ADAMTS19: variants seen among roughly 807,000 people sequenced by gnomAD.
ADAMTS19 encodes the protein A disintegrin and metalloproteinase with thrombospondin motifs 19.
ADAMTS19 carries 93 observed loss-of-function variants against 153.3 expected under a neutral mutation model. That is an observed-to-expected ratio of 0.61 (90% CI 0.51 to 0.72). The LOEUF is 0.72. Among genes scored for constraint, ADAMTS19 ranks in the 30% least tolerant of loss-of-function variants. The probability of loss-of-function intolerance (pLI) is 0.00; values close to 1 mark genes in which losing one functional copy is unlikely to be tolerated. For synonymous variants in ADAMTS19, 600 were observed against 556.6 expected (o/e 1.08, Z -1.10); for missense variants, 1,482 against 1,552.1 (o/e 0.95, Z 0.76).
intron 8 of ADAMTS19, among the ~76,000 whole-genome samples, chr5:129,611,205 T>G (rs1260866041): frequency 6.6e-6 from 1 of 152,086 alleles, no homozygotes; most frequent in African/African-American, 2.4e-5. Context: ...GTCAGATGAG[T>G]AGATTGCAAA....
chr5:129,591,953 G>T (rs1293644769), intron 7 of ADAMTS19, among the ~76,000 whole-genome samples: 3 of 152,074 alleles, frequency 2.0e-5, no homozygotes, highest in Non-Finnish European at 4.4e-5. Context: ...TATGAGGTGT[G>T]TCACATAACA....
At chr5:129,511,383 G>T (rs1011594182) in intron 3 of ADAMTS19, among the ~76,000 whole-genome samples, 8 of 151,730 alleles carry the variant, frequency 5.3e-5, no homozygotes, top group Non-Finnish European at 1.0e-4. Flanking sequence ...TAGAGTCAGA[G>T]GCCTCAGGTT....
chr5:129,608,932 G>A (rs1436050042), intron 8 of ADAMTS19, among the ~76,000 whole-genome samples: 1 of 151,746 alleles, frequency 6.6e-6, no homozygotes, highest in Non-Finnish European at 1.5e-5. Flanking sequence ...CTTTTAGAAT[G>A]GGAAATAGAT....
chr5:129,671,403 C>T (rs1407535408), intron 16 of ADAMTS19, among the ~76,000 whole-genome samples: 1 of 152,142 alleles, frequency 6.6e-6, no homozygotes, highest in Non-Finnish European at 1.5e-5. Flanking sequence ...AGAAATGACA[C>T]TGTGTTGAAA....
intron 21 of ADAMTS19, among the ~76,000 whole-genome samples, chr5:129,726,595 T>C (rs897251565): frequency 2.0e-5 from 3 of 152,058 alleles, no homozygotes; most frequent in African/African-American, 7.2e-5. Flanking sequence ...TACTTAAGGG[T>C]CCACTCTACT....
At chr5:129,630,992 G>A (rs531474344) in intron 10 of ADAMTS19, among the ~76,000 whole-genome samples, 99 of 151,908 alleles carry the variant, frequency 6.5e-4, no homozygotes, top group African/African-American at 2.3e-3. Context: ...CATTAATATT[G>A]TATCAAGAAA....
At chr5:129,705,018 A>G (rs1038520587) in intron 21 of ADAMTS19, among the ~76,000 whole-genome samples, 5 of 152,218 alleles carry the variant, frequency 3.3e-5, no homozygotes, top group Admixed American at 6.5e-5. Flanking sequence ...TGTTCATTCT[A>G]TGAAATACTA....
chr5:129,617,836 G>A (rs1751599768), intron 8 of ADAMTS19, among the ~76,000 whole-genome samples: 1 of 152,004 alleles, frequency 6.6e-6, no homozygotes, highest in Admixed American at 6.6e-5. Flanking sequence ...TTTCACCAAA[G>A]AAAGCAAAAT....
intron 7 of ADAMTS19, among the ~76,000 whole-genome samples, chr5:129,577,063 T>C (rs6866947): frequency 0.013 from 1,919 of 152,222 alleles, 30 homozygotes; most frequent in African/African-American, 0.039. Context: ...CTTTTCTTCT[T>C]GAGCCATCCT....
At chr5:129,489,313 A>G (rs964571062) in intron 2 of ADAMTS19, among the ~76,000 whole-genome samples, 2 of 152,152 alleles carry the variant, frequency 1.3e-5, no homozygotes, top group Non-Finnish European at 2.9e-5. Context: ...GTCCCATGTT[A>G]ACAATAAGAA....
chr5:129,653,846 T>C (rs1383111236), intron 13 of ADAMTS19, among the ~76,000 whole-genome samples: 1 of 152,140 alleles, frequency 6.6e-6, no homozygotes, highest in East Asian at 1.9e-4. Flanking sequence ...AAATAAATAC[T>C]AGCACATTGA....
At chr5:129,612,130 C>A (rs1158579245) in intron 8 of ADAMTS19, among the ~76,000 whole-genome samples, 3 of 122,206 alleles carry the variant, frequency 2.5e-5, no homozygotes, top group Non-Finnish European at 5.1e-5. Context: ...CCCCTACCCC[C>A]ACCCCATAAC....
chr5:129,528,827 CATA>C (rs1173429303), intron 6 of ADAMTS19, 150 bp downstream of exon 6: 1 of 576,952 alleles, frequency 1.7e-6, no homozygotes, highest in African/African-American at 2.0e-5. Flanking sequence ...TCCCTCAAAT[CATA>C]ATAACTGATT....
intron 6 of ADAMTS19, among the ~76,000 whole-genome samples, chr5:129,543,279 C>T (rs1474789738): frequency 1.3e-5 from 2 of 151,722 alleles, no homozygotes; most frequent in East Asian, 1.9e-4. Flanking sequence ...CTCGAACTCC[C>T]GACCTCAGGT....
In ADAMTS19 at chr5:129,614,532, A is replaced by G. The variant is rs566314953; in HGVS notation, c.1479-6086A>G. 3.5e-3 allele frequency among the ~76,000 whole-genome samples: 538 copies of G among 152,306 alleles called. 7 individuals carry two copies. Among genetic ancestry groups the G allele is most frequent in the Non-Finnish European group, 9.7e-4 (66 of 68,036 alleles). On this transcript the variant is annotated intron_variant, in intron 8 of 22. Coordinates refer to ENST00000274487, the MANE Select transcript of ADAMTS19 (RefSeq NM_133638.6). The stretch of plus-strand genomic sequence containing the variant: ...AATAAATTAGGTCTTGATGGGACGT[A>G]TCTCAAAATAATAAGAGATATTTAT...
At chr5:129,730,674 G>C (rs528602316) in intron 21 of ADAMTS19, among the ~76,000 whole-genome samples, 1 of 151,982 alleles carries the variant, frequency 6.6e-6, no homozygotes, top group Admixed American at 6.6e-5. Context: ...AACTCAGACC[G>C]CACAGCATAA....
intron 10 of ADAMTS19, among the ~76,000 whole-genome samples, chr5:129,632,994 C>A (rs1561615976): frequency 7.9e-6 from 1 of 126,394 alleles, no homozygotes; most frequent in African/African-American, 3.7e-5. Flanking sequence ...ACCTCTCCAT[C>A]CTCTCCTGAG....
chr5:129,496,886 A>G (rs1750942732), intron 2 of ADAMTS19, among the ~76,000 whole-genome samples: 1 of 152,128 alleles, frequency 6.6e-6, no homozygotes, highest in Non-Finnish European at 1.5e-5. Flanking sequence ...AAGTTAGTTA[A>G]TAGATTTAAA....
chr5:129,630,140 G>C (rs547947167), intron 10 of ADAMTS19, among the ~76,000 whole-genome samples: 1 of 152,038 alleles, frequency 6.6e-6, no homozygotes, highest in South Asian at 2.1e-4. Flanking sequence ...CAAGTTTGTA[G>C]GACTCTCTCA....
Sources: allele counts gnomAD v4.1 joint callset (sites outside exome capture counted in the v4.1 genomes callset), GRCh38; gene constraint gnomAD v4.1.1; transcripts MANE v1.5; gene names NCBI Gene and HGNC (gene_info 2026-07-23, HGNC 2026-07-21).